The following RSRC1 variants were observed in gnomAD, a reference collection of about 807,000 sequenced individuals.
The protein encoded by RSRC1 is arginine and serine rich coiled-coil 1.
Under a neutral mutation model 49.1 loss-of-function variants are expected in RSRC1, and 39 were observed. The observed-to-expected ratio is 0.79, with a 90% CI of 0.61 to 1.04. The LOEUF (loss-of-function observed/expected upper bound fraction) is 1.04, where lower values mean the gene tolerates loss of function less well. RSRC1 is among the 50% of genes least tolerant of loss of function. The pLI is 0.00. For synonymous variants in RSRC1, 143 were observed against 130.8 expected (o/e 1.09, Z -0.63); for missense variants, 388 against 402.4 (o/e 0.96, Z 0.31).
intron 3 of RSRC1, among the ~76,000 whole-genome samples, chr3:158,129,501 G>A (rs1715865481): frequency 6.6e-6 from 1 of 151,844 alleles, no homozygotes; most frequent in South Asian, 2.1e-4. Context: ...ATGTTGGCCA[G>A]GCTGGTCTTG....
chr3:158,522,281 T>C (rs1247217791), intron 7 of RSRC1, among the ~76,000 whole-genome samples: 1 of 152,120 alleles, frequency 6.6e-6, no homozygotes, highest in Non-Finnish European at 1.5e-5. Flanking sequence ...TATTTCAACA[T>C]ACAAAAACAC....
intron 4 of RSRC1, among the ~76,000 whole-genome samples, chr3:158,284,683 A>G (rs1384148628): frequency 2.0e-5 from 3 of 151,720 alleles, no homozygotes; most frequent in Admixed American, 6.6e-5. Context: ...TGGCTGCATA[A>G]ATGCCTTCTT....
intron 5 of RSRC1, among the ~76,000 whole-genome samples, chr3:158,325,755 A>G (rs943839541): frequency 8.5e-5 from 13 of 152,182 alleles, no homozygotes; most frequent in African/African-American, 1.7e-4. Flanking sequence ...GTGTTCTCCA[A>G]TTCTGTGAAG....
chr3:158,390,497 C>T (rs1426269443), intron 6 of RSRC1, among the ~76,000 whole-genome samples: 1 of 152,024 alleles, frequency 6.6e-6, no homozygotes, highest in Non-Finnish European at 1.5e-5. Flanking sequence ...AACTAAGTAA[C>T]ATAAGTGTAA....
chr3:158,219,298 T>A (rs1433768767), intron 4 of RSRC1, among the ~76,000 whole-genome samples: 1 of 151,594 alleles, frequency 6.6e-6, no homozygotes, highest in African/African-American at 2.4e-5. Context: ...TCTTTTGTTT[T>A]CTTTCTTTCA....
chr3:158,397,868 A>G (rs1733695279), intron 6 of RSRC1, among the ~76,000 whole-genome samples: 1 of 152,104 alleles, frequency 6.6e-6, no homozygotes, highest in South Asian at 2.1e-4. Context: ...AATTGGTCTA[A>G]AAGAGATAGA....
chr3:158,544,374 C>A lies in RSRC1; in HGVS notation c.*99C>A. The A allele has an allele frequency of 1.5e-6, 1 of 686,750 alleles. No individual in the cohort carries two copies. The highest frequency in any genetic ancestry group is 2.1e-5 in the South Asian group (1 of 47,556). 42.5% of individuals were successfully genotyped at this position (686,750 alleles called of 1,614,324 possible). ...CTTTTTACTCTTAAAAAGAATTTTG[C>A]TGATTATATATAAAGGTAGTCTCAT... On this transcript the variant is annotated 3_prime_UTR_variant, in exon 10 of 10. Coordinates refer to ENST00000611884, the MANE Select transcript of RSRC1 (RefSeq NM_001271838.2).
chr3:158,354,240 C>T (rs1045686920), intron 5 of RSRC1, among the ~76,000 whole-genome samples: 12 of 152,098 alleles, frequency 7.9e-5, no homozygotes, highest in Admixed American at 5.2e-4. Flanking sequence ...CCACCCGCCT[C>T]GGCCTCCCAA....
intron 5 of RSRC1, among the ~76,000 whole-genome samples, chr3:158,338,930 T>C (rs1294040744): frequency 6.6e-6 from 1 of 152,216 alleles, no homozygotes; most frequent in African/African-American, 2.4e-5. Context: ...ATGAGGTATG[T>C]AAAATGTTTA....
At chr3:158,530,130 G>T (rs1712296989) in intron 7 of RSRC1, among the ~76,000 whole-genome samples, 1 of 151,868 alleles carries the variant, frequency 6.6e-6, no homozygotes, top group Non-Finnish European at 1.5e-5. Context: ...CAAGAATATT[G>T]CCAGCTTATT....
chr3:158,245,345 T>C (rs1031446517), intron 4 of RSRC1, among the ~76,000 whole-genome samples: 4 of 152,180 alleles, frequency 2.6e-5, no homozygotes, highest in African/African-American at 4.8e-5. Flanking sequence ...AGTGAATTTC[T>C]TAATCTTGAA....
At chr3:158,427,236 A>G (rs967107979) in intron 6 of RSRC1, among the ~76,000 whole-genome samples, 2 of 151,854 alleles carry the variant, frequency 1.3e-5, no homozygotes, top group Non-Finnish European at 2.9e-5. Flanking sequence ...CACCACCTAG[A>G]TGAAAGCAAC....
At chr3:158,533,388 G>A (rs889402308) in intron 7 of RSRC1, among the ~76,000 whole-genome samples, 1 of 151,724 alleles carries the variant, frequency 6.6e-6, no homozygotes, top group Non-Finnish European at 1.5e-5. Context: ...CAAAGATAAT[G>A]ATGTTTTTCT....
intron 5 of RSRC1, among the ~76,000 whole-genome samples, chr3:158,310,554 G>C (rs903412370): frequency 2.0e-5 from 3 of 151,744 alleles, no homozygotes; most frequent in African/African-American, 4.8e-5. Flanking sequence ...TTGTAATCAA[G>C]TACTAACTGT....
In RSRC1 at chr3:158,177,648, TG is replaced by T. The variant is rs556026941; in HGVS notation, c.321-25418del. On this transcript the variant is annotated intron_variant, in intron 3 of 9. Transcript: ENST00000611884. ...TCACACACCAGGGCCTGTCAGAGTG[TG>T]GGGGGCTGGGAGAGGGATAGCATTA... Among the ~76,000 whole-genome samples, 28 of 148,646 alleles carry T rather than the reference TG, an allele frequency of 1.9e-4. No homozygotes were observed. The East Asian group carries it at 5.3e-3, about 28-fold the overall frequency.
intron 5 of RSRC1, among the ~76,000 whole-genome samples, chr3:158,339,144 T>C (rs1461142634): frequency 6.7e-6 from 1 of 149,776 alleles, no homozygotes; most frequent in Non-Finnish European, 1.5e-5. Flanking sequence ...TACAAAAAAT[T>C]AGCCGGGCGC....
At chr3:158,185,992 A>G (rs771866918) in intron 3 of RSRC1, among the ~76,000 whole-genome samples, 2 of 151,916 alleles carry the variant, frequency 1.3e-5, no homozygotes, top group African/African-American at 2.4e-5. Context: ...TGGTATGTGT[A>G]TCTGTTTTTT....
rs889049987 is a variant in RSRC1 at position 158,382,746 on chromosome 3, C to T, written c.583+27838C>T. Among the ~76,000 whole-genome samples the T allele has an allele frequency of 2.0e-5, 3 of 152,280 alleles. No individual in the cohort carries two copies. The South Asian group carries it at 6.2e-4, about 32-fold the overall frequency. On this transcript the variant is annotated intron_variant, in intron 6 of 9. Coordinates refer to ENST00000611884, the MANE Select transcript of RSRC1 (RefSeq NM_001271838.2). The stretch of plus-strand genomic sequence containing the variant: ...TGAAGACTAAGGCCAGGCCAAATTT[C>T]TTACTACACAAAGGTCTTTCTCTTT...
intron 4 of RSRC1, among the ~76,000 whole-genome samples, chr3:158,227,683 A>T (rs1159052556): frequency 6.6e-6 from 1 of 152,058 alleles, no homozygotes; most frequent in Non-Finnish European, 1.5e-5. Flanking sequence ...TTTGGAAAGC[A>T]TTGGAGAGAA....
Sources: gnomAD v4.1 joint callset for allele counts (sites outside exome capture counted in the v4.1 genomes callset) on GRCh38, gnomAD v4.1.1 for gene constraint, MANE v1.5 for transcripts, NCBI Gene and HGNC (gene_info 2026-07-23, HGNC 2026-07-21) for gene names.